RPS6KA6: variants seen among roughly 807,000 people sequenced by gnomAD.
RPS6KA6 encodes ribosomal protein S6 kinase A6, also known as ribosomal protein S6 kinase alpha-6.
In RPS6KA6, 27 loss-of-function variants were observed where a neutral mutation model predicts 65.4. The observed-to-expected ratio is 0.41, with a 90% CI of 0.30 to 0.57. The LOEUF is 0.57. Ranked by LOEUF, RPS6KA6 falls within the 20% of genes least tolerant of loss-of-function variation. The pLI is 0.24. For missense variants in RPS6KA6, 486 were observed against 555.6 expected (o/e 0.87, Z 1.26); for synonymous variants, 190 against 184.2 (o/e 1.03, Z -0.26).
intron 6 of RPS6KA6, among the ~76,000 whole-genome samples, chrX:84,140,867 G>A (rs1396451023): frequency 9.2e-6 from 1 of 108,178 alleles, no homozygotes; most frequent in Non-Finnish European, 1.9e-5. Context: ...AGCTCACAAA[G>A]GACTGAGATA....
At position 84,080,122 on chromosome X, in the gene RPS6KA6, G is replaced by A. The variant is rs189420128; in HGVS notation, c.1972-15011C>T. ...TGCCCCTAACACCTCATACAGGAGA[G>A]CTCTGGCTGGCATCTGGCAGGTGCC... On this transcript the variant is annotated intron_variant, in intron 20 of 21. Transcript: ENST00000262752. Among the ~76,000 whole-genome samples the A allele has an allele frequency of 4.1e-4, 44 of 108,276 alleles. No homozygotes were observed. In the Admixed American group the frequency reaches 4.3e-3, roughly 10 times the overall value. 94.0% of individuals were successfully genotyped at this position (108,276 alleles called of 115,157 possible). A position where few individuals can be genotyped will look rare whatever the true frequency, so the allele number is the denominator to read the frequency against.
At chrX:84,135,329 A>G (rs1448055549) in intron 6 of RPS6KA6, 119 bp from the exon 7 acceptor site, 3 of 448,513 alleles carry the variant, frequency 6.7e-6, no homozygotes, top group East Asian at 4.0e-5. Flanking sequence ...TAATAAGCAC[A>G]GTCAATTCTT....
intron 6 of RPS6KA6, among the ~76,000 whole-genome samples, chrX:84,144,151 C>T (rs1240364988): frequency 2.7e-5 from 3 of 110,761 alleles, no homozygotes; most frequent in Non-Finnish European, 5.7e-5. Context: ...ACTAAAAACA[C>T]AATTAATAAA....
intron 1 of RPS6KA6, among the ~76,000 whole-genome samples, chrX:84,181,317 A>T: frequency 8.9e-6 from 1 of 111,781 alleles, no homozygotes; most frequent in South Asian, 3.8e-4. Context: ...CCTCTTAGTT[A>T]TATGGCTGAA....
At chrX:84,117,361 A>G (rs1279319469) in intron 10 of RPS6KA6, 23 bp downstream of exon 10, 1 of 1,024,219 alleles carries the variant, frequency 9.8e-7, no homozygotes, top group East Asian at 3.2e-5. Flanking sequence ...TTCCCAAAAG[A>G]AAAACATACT....
intron 1 of RPS6KA6, among the ~76,000 whole-genome samples, chrX:84,186,599 C>G (rs2147663219): frequency 9.0e-6 from 1 of 111,327 alleles, no homozygotes; most frequent in East Asian, 2.8e-4. Context: ...ACATGTTATT[C>G]TAGCATGTAA....
chrX:84,128,301 G>T (rs1246881641), intron 8 of RPS6KA6, among the ~76,000 whole-genome samples: 1 of 110,883 alleles, frequency 9.0e-6, no homozygotes, highest in Non-Finnish European at 1.9e-5. Flanking sequence ...CTGATAAAAA[G>T]AAATTAAAGA....
At chrX:84,088,285 G>C (rs775671174) in intron 20 of RPS6KA6, among the ~76,000 whole-genome samples, 25 of 111,966 alleles carry the variant, frequency 2.2e-4, no homozygotes, top group Admixed American at 2.1e-3. Flanking sequence ...GCTGACCTTT[G>C]AGTGAGGTTT....
chrX:84,178,905 C>T (rs2035807123), intron 1 of RPS6KA6, among the ~76,000 whole-genome samples: 1 of 106,997 alleles, frequency 9.3e-6, no homozygotes, highest in Non-Finnish European at 1.9e-5. Context: ...AAACACAATT[C>T]ATAAAAGAAA....
At chrX:84,157,237 C>G (rs1296173505) in intron 2 of RPS6KA6, among the ~76,000 whole-genome samples, 1 of 110,958 alleles carries the variant, frequency 9.0e-6, no homozygotes, top group Non-Finnish European at 1.9e-5. Flanking sequence ...AGGGGGGTAC[C>G]TAGGCAAAGA....
intron 1 of RPS6KA6, among the ~76,000 whole-genome samples, chrX:84,165,938 A>G (rs2035591407): frequency 8.9e-6 from 1 of 112,149 alleles, no homozygotes; most frequent in South Asian, 3.7e-4. Context: ...TGTGGAAGAA[A>G]TCAGAGAGGA....
intron 20 of RPS6KA6, among the ~76,000 whole-genome samples, chrX:84,077,147 G>C (rs1442247415): frequency 1.8e-5 from 2 of 111,503 alleles, no homozygotes; most frequent in Non-Finnish European, 3.8e-5. Flanking sequence ...AGTCAATGCT[G>C]TTAAAATGTC....
chrX:84,097,364 T>C (rs1426020008), intron 19 of RPS6KA6, among the ~76,000 whole-genome samples: 5 of 111,200 alleles, frequency 4.5e-5, no homozygotes, highest in African/African-American at 1.6e-4. Context: ...ACTACTTAGA[T>C]TTGCACAATC....
chrX:84,124,130 G>T (rs1286144154), intron 8 of RPS6KA6, among the ~76,000 whole-genome samples: 1 of 111,240 alleles, frequency 9.0e-6, no homozygotes, highest in Non-Finnish European at 1.9e-5. Flanking sequence ...AGCATTATTG[G>T]GCTTGGGGTT....
At position 84,061,514 on chromosome X, in the gene RPS6KA6, ATTG is replaced by A. The variant is rs1195641628; in HGVS notation, c.*2760_*2762del. ...GATCTTTGTGAAAGGACTTGAAACC[ATTG>A]TTTTTTCCCACAAAAATCCCCATCA... is the stretch of plus-strand genomic sequence containing the variant. On this transcript the variant is annotated 3_prime_UTR_variant, in exon 22 of 22. Coordinates refer to ENST00000262752, the MANE Select transcript of RPS6KA6 (RefSeq NM_014496.5). The A allele has an allele frequency of 1.4e-5, 1 of 70,910 alleles. No homozygotes were observed. The highest frequency in any genetic ancestry group is 3.0e-4 in the East Asian group (1 of 3,321). 5.8% of individuals were successfully genotyped at this position (70,910 alleles called of 1,213,427 possible). A position where few individuals can be genotyped will look rare whatever the true frequency, so the allele number is the denominator to read the frequency against.
intron 20 of RPS6KA6, among the ~76,000 whole-genome samples, chrX:84,079,680 T>C (rs1352845234): frequency 9.0e-6 from 1 of 111,193 alleles, no homozygotes; most frequent in African/African-American, 3.3e-5. Flanking sequence ...GTAGGCAGTT[T>C]TCCCCTGACA....
rs770097403 is a variant in RPS6KA6, at chrX:84,084,074, ATTTG to A, written c.1971+12116_1971+12119del. ...ACAACTTTTGAATGTTTTCTTGTAA[ATTTG>A]TTTAAGTTCCTTGCAGATTGTAAAT... On this transcript the variant is annotated intron_variant, in intron 20 of 21. Coordinates refer to ENST00000262752, the MANE Select transcript of RPS6KA6 (RefSeq NM_014496.5). 7.2e-5 allele frequency among the ~76,000 whole-genome samples: 8 copies of A among 111,818 alleles called. No individual in the cohort carries two copies. In the East Asian group the frequency reaches 2.0e-3, roughly 27 times the overall value.
At chrX:84,103,710 T>A (rs1362555482) in intron 17 of RPS6KA6, among the ~76,000 whole-genome samples, 1 of 110,975 alleles carries the variant, frequency 9.0e-6, no homozygotes, top group Non-Finnish European at 1.9e-5. Flanking sequence ...AATCAAATAA[T>A]TAAATTATAA....
chrX:84,130,391 A>G (rs2034875222), intron 8 of RPS6KA6, among the ~76,000 whole-genome samples: 1 of 111,970 alleles, frequency 8.9e-6, no homozygotes, highest in Admixed American at 9.5e-5. Flanking sequence ...GATCCACTGG[A>G]CATTGTGGGT....
Sources: gnomAD v4.1 joint callset for allele counts (sites outside exome capture counted in the v4.1 genomes callset) on GRCh38, gnomAD v4.1.1 for gene constraint, MANE v1.5 for transcripts, NCBI Gene and HGNC (gene_info 2026-07-23, HGNC 2026-07-21) for gene names.